The following ERBB4 variants were observed in gnomAD, a reference collection of about 807,000 sequenced individuals.
ERBB4 encodes erb-b2 receptor tyrosine kinase 4.
A neutral mutation model predicts 158.0 loss-of-function variants in ERBB4; 42 were observed. The ratio of observed to expected loss-of-function variants is 0.27; its 90% confidence interval spans 0.21 to 0.34. The LOEUF is 0.34. Ranked by LOEUF, ERBB4 falls within the 10% of genes least tolerant of loss-of-function variation. ERBB4 has a pLI of 1.00. For missense variants in ERBB4, 1,333 were observed against 1,624.1 expected, an observed-to-expected ratio of 0.82 and a Z score of 3.08; for synonymous variants, 583 against 558.7, an observed-to-expected ratio of 1.04 and a Z score of -0.61.
chr2:212,136,751 G>A (rs1020898407), intron 1 of ERBB4, among the ~76,000 whole-genome samples: 1 of 152,066 alleles, frequency 6.6e-6, no homozygotes, highest in Non-Finnish European at 1.5e-5. Context: ...CTAATTTAAC[G>A]ACCCTTTTAA....
chr2:212,092,768 G>A (rs1310661749), intron 2 of ERBB4, among the ~76,000 whole-genome samples: 3 of 152,104 alleles, frequency 2.0e-5, no homozygotes, highest in Non-Finnish European at 4.4e-5. Context: ...GTTGAACAAT[G>A]AGAACACATG....
At chr2:212,030,903 T>C (rs994917624) in intron 2 of ERBB4, among the ~76,000 whole-genome samples, 1 of 151,896 alleles carries the variant, frequency 6.6e-6, no homozygotes, top group East Asian at 1.9e-4. Flanking sequence ...TAAAAAGACA[T>C]GGGGGAGGGG....
chr2:211,486,771 T>C (rs772744374), intron 20 of ERBB4, among the ~76,000 whole-genome samples: 2 of 152,048 alleles, frequency 1.3e-5, no homozygotes, highest in Non-Finnish European at 2.9e-5. Flanking sequence ...AATCACAGAC[T>C]TGTGGTGAAG....
In ERBB4 at chr2:212,476,381, A is replaced by G. The variant is rs544772248; in HGVS notation, c.82+62068T>C. ...AAAACATTTTGTCAAATTAATGTGC[A>G]TAGCAGTATTAGGTAAACACACGGC... On this transcript the variant is annotated intron_variant, in intron 1 of 27. Transcript: ENST00000342788. 1.8e-3 allele frequency among the ~76,000 whole-genome samples: 268 copies of G among 152,282 alleles called. 1 individual carries two copies. Among genetic ancestry groups the G allele is most frequent in the Non-Finnish European group, 3.0e-3 (201 of 68,012 alleles).
At chr2:211,518,426 C>A (rs139147335) in intron 20 of ERBB4, among the ~76,000 whole-genome samples, 1 of 152,006 alleles carries the variant, frequency 6.6e-6, no homozygotes, top group Admixed American at 6.5e-5. Context: ...GAGGCCAAGG[C>A]GGGCAGATCA....
At chr2:212,003,905 T>C (rs1485076118) in intron 2 of ERBB4, among the ~76,000 whole-genome samples, 2 of 152,150 alleles carry the variant, frequency 1.3e-5, no homozygotes, top group Non-Finnish European at 2.9e-5. Flanking sequence ...TCAACGTATA[T>C]GCAATAAAAG....
chr2:211,901,712 C>T (rs1429149542), intron 3 of ERBB4, among the ~76,000 whole-genome samples: 1 of 152,058 alleles, frequency 6.6e-6, no homozygotes, highest in Non-Finnish European at 1.5e-5. Context: ...CATGTTAGGA[C>T]TTGTCAAGGA....
Position 211,889,825 on chromosome 2 carries a change from T to C in ERBB4, c.421+57605A>G, listed in dbSNP as rs1559617543. ...GTATCAGCAATGTAGGTGAAATGAA[T>C]GAAATGAAGCGAGAAGGGAAGGTTA... On this transcript the variant is annotated intron_variant, in intron 3 of 27. Transcript: ENST00000342788. Among the ~76,000 whole-genome samples, 5 of 151,736 alleles carry C rather than the reference T, an allele frequency of 3.3e-5. No homozygotes were observed. The South Asian group carries it at 1.0e-3, about 32-fold the overall frequency.
At chr2:212,222,755 C>T (rs1024011078) in intron 1 of ERBB4, among the ~76,000 whole-genome samples, 1 of 151,374 alleles carries the variant, frequency 6.6e-6, no homozygotes, top group Non-Finnish European at 1.5e-5. Context: ...ATAGTTGTTA[C>T]TAATATTTCC....
intron 1 of ERBB4, among the ~76,000 whole-genome samples, chr2:212,134,510 T>C (rs1437395720): frequency 1.3e-5 from 2 of 151,996 alleles, no homozygotes; most frequent in African/African-American, 4.8e-5. Context: ...ATGTGTTTCA[T>C]AATTTTCATT....
intron 4 of ERBB4, among the ~76,000 whole-genome samples, chr2:211,758,619 A>G (rs537819325): frequency 2.0e-5 from 3 of 152,332 alleles, no homozygotes; most frequent in African/African-American, 7.2e-5. Context: ...GAAAAACCTT[A>G]CCTGAAAACA....
At chr2:211,600,152 A>G (rs2068756642) in intron 19 of ERBB4, among the ~76,000 whole-genome samples, 1 of 152,212 alleles carries the variant, frequency 6.6e-6, no homozygotes, top group African/African-American at 2.4e-5. Context: ...ACAAAACCCA[A>G]TAGGAAAAAA....
At chr2:212,450,075 A>G (rs1290411625) in intron 1 of ERBB4, among the ~76,000 whole-genome samples, 1 of 152,184 alleles carries the variant, frequency 6.6e-6, no homozygotes, top group Non-Finnish European at 1.5e-5. Flanking sequence ...TTCAGAGGTG[A>G]TGTTGACATG....
chr2:211,644,315 T>G (rs1164891732), intron 16 of ERBB4, among the ~76,000 whole-genome samples: 2 of 152,078 alleles, frequency 1.3e-5, no homozygotes, highest in African/African-American at 4.8e-5. Flanking sequence ...TTTCTAAACT[T>G]ATATAAACAC....
chr2:212,483,447 G>C (rs1325117839), intron 1 of ERBB4, among the ~76,000 whole-genome samples: 1 of 152,090 alleles, frequency 6.6e-6, no homozygotes, highest in Non-Finnish European at 1.5e-5. Flanking sequence ...TTGACATTAA[G>C]TTTTTAAAAA....
At position 211,383,558 on chromosome 2, in the gene ERBB4, G is replaced by T. The variant is rs149423647; in HGVS notation, c.*57C>A. 1.0e-3 allele frequency: 1,431 copies of T among 1,420,906 alleles called. 1 individual carries two copies. The highest frequency in any genetic ancestry group is 1.3e-3 in the Non-Finnish European group (1,288 of 1,007,080). The allele number at this position is 1,420,906 out of a possible 1,614,324, so 88.0% of individuals were successfully genotyped here. ...GAAGGAAGACCACCAGAGAAAGAGA[G>T]GGGGGTGGGGAAATTGGAGCAGGTG... On this transcript the variant is annotated 3_prime_UTR_variant, in exon 28 of 28. Coordinates refer to ENST00000342788, the MANE Select transcript of ERBB4 (RefSeq NM_005235.3).
At chr2:212,105,510 G>C (rs1302430016) in intron 2 of ERBB4, among the ~76,000 whole-genome samples, 1 of 151,998 alleles carries the variant, frequency 6.6e-6, no homozygotes, top group Non-Finnish European at 1.5e-5. Flanking sequence ...CTTTTTCTTT[G>C]CATTAATATT....
chr2:211,458,125 A>T (rs2064431028), intron 20 of ERBB4, among the ~76,000 whole-genome samples: 1 of 152,138 alleles, frequency 6.6e-6, no homozygotes, highest in African/African-American at 2.4e-5. Flanking sequence ...TATATCTTTC[A>T]TTCTTACCTC....
intron 12 of ERBB4, among the ~76,000 whole-genome samples, chr2:211,685,872 TTAAG>T (rs2072545037): frequency 6.6e-6 from 1 of 152,190 alleles, no homozygotes; most frequent in Non-Finnish European, 1.5e-5. Flanking sequence ...ATTTCATCTT[TTAAG>T]TAATTATAAA....
Sources: allele counts gnomAD v4.1 joint callset (sites outside exome capture counted in the v4.1 genomes callset), GRCh38; gene constraint gnomAD v4.1.1; transcripts MANE v1.5; gene names NCBI Gene and HGNC (gene_info 2026-07-23, HGNC 2026-07-21).